The following FHIT variants were observed in gnomAD, a reference collection of about 807,000 sequenced individuals.
FHIT encodes the protein fragile histidine triad diadenosine triphosphatase.
In FHIT, 19 loss-of-function variants were observed where a neutral mutation model predicts 17.9. The ratio of observed to expected loss-of-function variants is 1.06; its 90% CI spans 0.74 to 1.56. The LOEUF (loss-of-function observed/expected upper bound fraction) is 1.56. Among genes scored for constraint, FHIT ranks in the 40% most tolerant of loss-of-function variants. The pLI, the probability that FHIT is intolerant of heterozygous loss-of-function variation, is 0.00. For missense variants in FHIT, 248 were observed against 189.2 expected (o/e 1.31, Z -1.82); for synonymous variants, 81 against 69.7 (o/e 1.16, Z -0.81).
intron 5 of FHIT, among the ~76,000 whole-genome samples, chr3:60,476,972 T>C (rs2033377835): frequency 7.1e-6 from 1 of 140,656 alleles, no homozygotes; most frequent in Non-Finnish European, 1.5e-5. Flanking sequence ...GAACAAACTA[T>C]ATATATATAT....
At chr3:60,247,877 T>G (rs962973322) in intron 5 of FHIT, among the ~76,000 whole-genome samples, 1 of 152,188 alleles carries the variant, frequency 6.6e-6, no homozygotes, top group Non-Finnish European at 1.5e-5. Flanking sequence ...CAGTAAAGAC[T>G]TAAGAAATGT....
intron 5 of FHIT, among the ~76,000 whole-genome samples, chr3:60,445,113 G>A (rs1186617500): frequency 6.6e-6 from 1 of 151,966 alleles, no homozygotes; most frequent in African/African-American, 2.4e-5. Context: ...TCTAAAATAT[G>A]GTAATCAAAT....
At chr3:60,179,989 C>A (rs1370165625) in intron 5 of FHIT, among the ~76,000 whole-genome samples, 1 of 152,136 alleles carries the variant, frequency 6.6e-6, no homozygotes, top group Non-Finnish European at 1.5e-5. Context: ...TGGAGGCAAT[C>A]CTCCACGGGG....
At chr3:60,600,684 A>C (rs576740801) in intron 4 of FHIT, among the ~76,000 whole-genome samples, 3 of 152,204 alleles carry the variant, frequency 2.0e-5, no homozygotes, top group Non-Finnish European at 4.4e-5. Flanking sequence ...GAAGTTTCTC[A>C]GAACTACCCT....
intron 5 of FHIT, among the ~76,000 whole-genome samples, chr3:60,527,488 G>A (rs1299165661): frequency 6.6e-6 from 1 of 152,182 alleles, no homozygotes; most frequent in Non-Finnish European, 1.5e-5. Flanking sequence ...AAATTGGAGA[G>A]CCAGATGAAT....
intron 5 of FHIT, among the ~76,000 whole-genome samples, chr3:60,095,211 C>T (rs964263524): frequency 2.6e-5 from 4 of 152,114 alleles, no homozygotes; most frequent in East Asian, 3.9e-4. Context: ...TTTATTACCT[C>T]GGAGGCAAAA....
chr3:61,084,846 A>G (rs1056043794), intron 2 of FHIT, among the ~76,000 whole-genome samples: 1 of 152,146 alleles, frequency 6.6e-6, no homozygotes, highest in African/African-American at 2.4e-5. Flanking sequence ...ACCAGGCAGC[A>G]ACTGATTTGC....
chr3:60,295,620 C>T (rs1010034301), intron 5 of FHIT, among the ~76,000 whole-genome samples: 1 of 152,058 alleles, frequency 6.6e-6, no homozygotes, highest in African/African-American at 2.4e-5. Flanking sequence ...CATTAGGCCC[C>T]ATCTCTAACA....
At chr3:61,180,111 T>C (rs2038292702) in intron 2 of FHIT, among the ~76,000 whole-genome samples, 1 of 149,616 alleles carries the variant, frequency 6.7e-6, no homozygotes, top group Non-Finnish European at 1.5e-5. Context: ...CTACTGACAG[T>C]CTTGTTAAAA....
At chr3:60,163,288 G>A (rs185390432) in intron 5 of FHIT, among the ~76,000 whole-genome samples, 97 of 152,140 alleles carry the variant, frequency 6.4e-4, no homozygotes, top group Non-Finnish European at 5.7e-4. Context: ...TACAATACAT[G>A]CTACTATGTC....
intron 5 of FHIT, among the ~76,000 whole-genome samples, chr3:60,484,384 A>T (rs923151500): frequency 1.3e-5 from 2 of 152,226 alleles, no homozygotes; most frequent in East Asian, 3.9e-4. Flanking sequence ...CAAAAAGAAT[A>T]AAGCTGGAGG....
At chr3:60,934,452 C>T (rs1708098918) in intron 3 of FHIT, among the ~76,000 whole-genome samples, 1 of 152,168 alleles carries the variant, frequency 6.6e-6, no homozygotes, top group African/African-American at 2.4e-5. Flanking sequence ...TGAGCCACTG[C>T]ATGCCCTGAG....
At chr3:59,826,301 G>T (rs1460952712) in intron 8 of FHIT, among the ~76,000 whole-genome samples, 1 of 152,088 alleles carries the variant, frequency 6.6e-6, no homozygotes, top group Non-Finnish European at 1.5e-5. Flanking sequence ...TGTAGAGATG[G>T]GGTTTCACCA....
intron 4 of FHIT, among the ~76,000 whole-genome samples, chr3:60,555,626 G>A (rs185592578): frequency 6.5e-4 from 99 of 152,292 alleles, no homozygotes; most frequent in African/African-American, 2.1e-3. Flanking sequence ...CTCTCGCCAT[G>A]AGAGGCACTC....
intron 3 of FHIT, among the ~76,000 whole-genome samples, chr3:60,880,564 C>T (rs566901737): frequency 6.6e-6 from 1 of 152,292 alleles, no homozygotes; most frequent in Non-Finnish European, 1.5e-5. Context: ...GAAATCCTGT[C>T]TCTACTCAAC....
Position 60,237,261 on chromosome 3 carries a change from C to CTT in FHIT, c.104-223110_104-223109insAA, listed in dbSNP as rs1491397783. ...TGAATATTAACAGGTTTTGTTTTTC[C>CTT]ATTTTTTTTTTTTTTTTTTTGGTTA... is the stretch of plus-strand genomic sequence containing the variant. On this transcript the variant is annotated intron_variant, in intron 5 of 9. Transcript: ENST00000492590. 2.3e-3 allele frequency among the ~76,000 whole-genome samples: 280 copies of CTT among 123,536 alleles called. 1 individual carries two copies. The highest frequency in any genetic ancestry group is 0.014 in the South Asian group (54 of 3,878). The allele number at this position is 123,536 out of a possible 152,430, so 81.0% of individuals were successfully genotyped here.
At chr3:59,839,074 T>G (rs1253412553) in intron 8 of FHIT, among the ~76,000 whole-genome samples, 1 of 152,126 alleles carries the variant, frequency 6.6e-6, no homozygotes, top group African/African-American at 2.4e-5. Context: ...CCCAGCATTT[T>G]GGGAGGCCGA....
intron 7 of FHIT, 96 bp downstream of exon 7, chr3:60,011,275 A>G: frequency 8.6e-7 from 1 of 1,166,430 alleles, no homozygotes; most frequent in South Asian, 1.2e-5. Context: ...AGATAACATA[A>G]TGAAACAGCA....
chr3:61,045,596 C>A (rs1342968958), intron 2 of FHIT, among the ~76,000 whole-genome samples: 1 of 152,158 alleles, frequency 6.6e-6, no homozygotes, highest in Non-Finnish European at 1.5e-5. Flanking sequence ...AGAAAGTTAA[C>A]AAGGATATCC....
Sources: allele counts gnomAD v4.1 joint callset (sites outside exome capture counted in the v4.1 genomes callset), GRCh38; gene constraint gnomAD v4.1.1; transcripts MANE v1.5; gene names NCBI Gene and HGNC (gene_info 2026-07-23, HGNC 2026-07-21).